Variants in TDRD3 observed in about 807,000 individuals in gnomAD.
The protein encoded by TDRD3 is tudor domain-containing protein 3.
Under a neutral mutation model 86.7 loss-of-function variants are expected in TDRD3, and 45 were observed. The ratio of observed to expected loss-of-function variants is 0.52; its 90% CI spans 0.41 to 0.67. The LOEUF (loss-of-function observed/expected upper bound fraction) is 0.67. TDRD3 is among the 30% of genes least tolerant of loss of function. The probability of loss-of-function intolerance (pLI) is 0.00; values close to 1 mark genes in which losing one functional copy is unlikely to be tolerated. For synonymous variants in TDRD3, 298 were observed against 301.7 expected, an observed-to-expected ratio of 0.99 and a Z score of 0.13; for missense variants, 814 against 889.0, an observed-to-expected ratio of 0.92 and a Z score of 1.07.
chr13:60,516,101 A>T (rs980026682), intron 10 of TDRD3, among the ~76,000 whole-genome samples: 1 of 152,202 alleles, frequency 6.6e-6, no homozygotes, highest in African/African-American at 2.4e-5. Flanking sequence ...TGATATGCAT[A>T]TATTTAGGGT....
intron 4 of TDRD3, among the ~76,000 whole-genome samples, chr13:60,466,614 C>A (rs978458236): frequency 6.6e-6 from 1 of 151,972 alleles, no homozygotes; most frequent in African/African-American, 2.4e-5. Context: ...ATAGTGAAAC[C>A]CTGTCTCTCC....
Position 60,479,852 on chromosome 13 carries a change from A to G in TDRD3, c.496-3923A>G, listed in dbSNP as rs146184529. Among the ~76,000 whole-genome samples, 654 of 152,276 alleles carry G rather than the reference A, an allele frequency of 4.3e-3. 4 individuals are homozygous for G. Among genetic ancestry groups the G allele is most frequent in the African/African-American group, 0.015 (626 of 41,556 alleles). ...CTTTTTTGTTTTCTGTTTGCCTGAA[A>G]GATGTTTCTCCATCCCTTTACCTTG... is the stretch of plus-strand genomic sequence containing the variant. On this transcript the variant is annotated intron_variant, in intron 5 of 13. Coordinates refer to ENST00000377881, the MANE Select transcript of TDRD3 (RefSeq NM_001146070.2).
At chr13:60,420,001 T>C (rs1351659170) in intron 1 of TDRD3, among the ~76,000 whole-genome samples, 1 of 152,062 alleles carries the variant, frequency 6.6e-6, no homozygotes, top group African/African-American at 2.4e-5. Context: ...ATCTCTCTTA[T>C]AATTATTGTG....
intron 1 of TDRD3, among the ~76,000 whole-genome samples, chr13:60,398,766 T>C (rs559275855): frequency 6.6e-6 from 1 of 152,364 alleles, no homozygotes; most frequent in East Asian, 1.9e-4. Flanking sequence ...GTTATTGTTG[T>C]TACAGTTTTT....
intron 1 of TDRD3, among the ~76,000 whole-genome samples, chr13:60,413,140 G>C (rs1954405914): frequency 6.6e-6 from 1 of 151,736 alleles, no homozygotes; most frequent in Non-Finnish European, 1.5e-5. Flanking sequence ...GGGCCCAAAA[G>C]CTTGAATCAC....
At chr13:60,476,100 G>A (rs1956181216) in intron 5 of TDRD3, among the ~76,000 whole-genome samples, 2 of 152,050 alleles carry the variant, frequency 1.3e-5, no homozygotes, top group Non-Finnish European at 2.9e-5. Context: ...GGACTTGGTT[G>A]TAAATTCTTT....
At chr13:60,518,231 A>G (rs1469160262) in intron 10 of TDRD3, among the ~76,000 whole-genome samples, 1 of 152,156 alleles carries the variant, frequency 6.6e-6, no homozygotes. Context: ...CTAGTCTGTA[A>G]GTGCTCCCAG....
chr13:60,513,917 G>T (rs1412143506), intron 10 of TDRD3, among the ~76,000 whole-genome samples: 2 of 152,106 alleles, frequency 1.3e-5, no homozygotes, highest in African/African-American at 4.8e-5. Context: ...ATTGGTACCA[G>T]CAGAGTAGGG....
At chr13:60,416,043 A>G (rs1954502599) in intron 1 of TDRD3, among the ~76,000 whole-genome samples, 1 of 152,220 alleles carries the variant, frequency 6.6e-6, no homozygotes, top group South Asian at 2.1e-4. Context: ...ATTTTAAAAT[A>G]CCCTTTGCTT....
chr13:60,540,348 T>C (rs1957782842), intron 12 of TDRD3, among the ~76,000 whole-genome samples: 1 of 152,214 alleles, frequency 6.6e-6, no homozygotes, highest in African/African-American at 2.4e-5. Flanking sequence ...AGCTTTCTTT[T>C]AGTAAAGTTT....
chr13:60,438,533 T>C (rs962438361), intron 1 of TDRD3, among the ~76,000 whole-genome samples: 3 of 152,280 alleles, frequency 2.0e-5, no homozygotes, highest in African/African-American at 4.8e-5. Context: ...TTTTCTGACT[T>C]TTATCGCCTT....
chr13:60,495,370 A>G (rs2137566540), intron 8 of TDRD3, among the ~76,000 whole-genome samples: 1 of 152,332 alleles, frequency 6.6e-6, no homozygotes, highest in East Asian at 1.9e-4. Flanking sequence ...GGGAATTGCA[A>G]TAGAGAAAGA....
chr13:60,407,665 C>G (rs1003984187), intron 1 of TDRD3, among the ~76,000 whole-genome samples: 3 of 152,186 alleles, frequency 2.0e-5, no homozygotes, highest in Non-Finnish European at 2.9e-5. Flanking sequence ...CCAGCTGTCT[C>G]TTTAGGGTCT....
At chr13:60,564,830 T>G (rs1426625248) in intron 12 of TDRD3, among the ~76,000 whole-genome samples, 1 of 152,088 alleles carries the variant, frequency 6.6e-6, no homozygotes, top group African/African-American at 2.4e-5. Context: ...TGACTGAAAA[T>G]AAACTGATCT....
At chr13:60,453,125 G>A (rs1049184126) in intron 3 of TDRD3, among the ~76,000 whole-genome samples, 1 of 151,956 alleles carries the variant, frequency 6.6e-6, no homozygotes. Flanking sequence ...AAAGTTTAAC[G>A]ATGAAGTTAA....
At chr13:60,497,602 C>T (rs988787551) in intron 8 of TDRD3, among the ~76,000 whole-genome samples, 4 of 152,160 alleles carry the variant, frequency 2.6e-5, no homozygotes, top group African/African-American at 7.2e-5. Flanking sequence ...GACACAAGCT[C>T]TTATCATGTG....
At chr13:60,441,607 AC>A (rs1955275643) in intron 2 of TDRD3, among the ~76,000 whole-genome samples, 1 of 152,172 alleles carries the variant, frequency 6.6e-6, no homozygotes, top group East Asian at 1.9e-4. Context: ...ATTTTTTTCA[AC>A]TTTTGAGTGA....
intron 1 of TDRD3, among the ~76,000 whole-genome samples, chr13:60,427,927 G>A (rs2137900780): frequency 6.6e-6 from 1 of 152,214 alleles, no homozygotes; most frequent in Middle Eastern, 3.4e-3. Flanking sequence ...CAAGCTGGGT[G>A]GCTTAAAACA....
chr13:60,397,440 G>T lies in TDRD3; in HGVS notation c.41+35G>T, dbSNP rs755784220. On this transcript the variant is annotated intron_variant, in intron 1 of 13. Transcript: ENST00000377881. ...GAGTCCCGCCGGCTGCCGGGCCGCG[G>T]GTGCGGGCCGGGGCCCCAGGGAGGT... 4.7e-6 allele frequency: 7 copies of T among 1,475,804 alleles called. No individual in the cohort carries two copies. The South Asian group carries it at 9.0e-5, about 19-fold the overall frequency. The allele number at this position is 1,475,804 out of a possible 1,614,324, so 91.4% of individuals were successfully genotyped here.
Sources: gnomAD v4.1 joint callset for allele counts (sites outside exome capture counted in the v4.1 genomes callset) on GRCh38, gnomAD v4.1.1 for gene constraint, MANE v1.5 for transcripts, NCBI Gene and HGNC (gene_info 2026-07-23, HGNC 2026-07-21) for gene names.